The following ADGRL1 variants were observed in gnomAD, a reference collection of about 807,000 sequenced individuals.
The protein encoded by ADGRL1 is CIRL-1.
In ADGRL1, 31 loss-of-function variants were observed where a neutral mutation model predicts 148.9. The observed-to-expected ratio is 0.21, with a 90% CI of 0.16 to 0.28. The LOEUF (loss-of-function observed/expected upper bound fraction) is 0.28. Among genes scored for constraint, ADGRL1 ranks in the 10% least tolerant of loss-of-function variants. ADGRL1 has a pLI of 1.00. For missense variants in ADGRL1, 1,521 were observed against 2,058.8 expected (o/e 0.74, Z 5.05); for synonymous variants, 937 against 900.3 (o/e 1.04, Z -0.73).
rs1454278388 is a variant in ADGRL1, at chr19:14,154,892, CA to C, written c.3294+466del. Reference sequence around the variant, plus strand: ...TCAGCCTCCTAAAGTGCTGGGATTACAGGCGTGAGCCACCGTGTCCGGACTG... The same window carrying C: ...TCAGCCTCCTAAAGTGCTGGGATTACGGCGTGAGCCACCGTGTCCGGACTG... On this transcript the variant is annotated intron_variant, in intron 18 of 22. Coordinates refer to ENST00000361434, the MANE Select transcript of ADGRL1 (RefSeq NM_014921.5). Among the ~76,000 whole-genome samples the C allele has an allele frequency of 1.8e-4, 27 of 152,344 alleles. No individual in the cohort carries two copies. The East Asian group carries it at 2.7e-3, about 15-fold the overall frequency.
intron 2 of ADGRL1, among the ~76,000 whole-genome samples, chr19:14,178,377 C>T (rs1481486982): frequency 6.6e-6 from 1 of 152,058 alleles, no homozygotes; most frequent in Non-Finnish European, 1.5e-5. Context: ...TGGTGGCACA[C>T]ACCTGTAGTC....
At position 14,163,064 on chromosome 19, in the gene ADGRL1, G is replaced by A. The variant is rs1464723978; in HGVS notation, c.737C>T (p.Thr246Ile). 2 of 1,614,108 alleles carry A rather than the reference G, an allele frequency of 1.2e-6. No homozygotes were observed. Among genetic ancestry groups the A allele is most frequent in the Non-Finnish European group, 1.7e-6 (2 of 1,180,010 alleles). ...GGGCGAGGTGTCATGGTAGTTGGCG[G>A]TATTGATGACCGTCTCCCCGCTCTT... The part of the protein sequence containing the change: ...RIKSGETVIN[T>I]ANYHDTSPYR... Residue 246 changes from threonine (T) to isoleucine (I), a missense_variant, in exon 5 of 23, where the codon ACC (threonine) becomes ATC (isoleucine). Transcript: ENST00000361434.
intron 16 of ADGRL1, among the ~76,000 whole-genome samples, 176 bp from the exon 17 acceptor site, chr19:14,156,377 G>A (rs528991070): frequency 4.5e-4 from 69 of 152,138 alleles, no homozygotes; most frequent in African/African-American, 1.6e-3. Context: ...TGGCATGACC[G>A]GCAATTTAAT....
At chr19:14,187,099 A>G (rs1971618099) in intron 1 of ADGRL1, among the ~76,000 whole-genome samples, 2 of 152,350 alleles carry the variant, frequency 1.3e-5, no homozygotes, top group South Asian at 4.1e-4. Context: ...GCACTTTGGG[A>G]AGCCGAGGCG....
intron 1 of ADGRL1, among the ~76,000 whole-genome samples, chr19:14,204,593 A>G (rs969091865): frequency 9.2e-5 from 14 of 151,936 alleles, no homozygotes; most frequent in African/African-American, 2.9e-4. Context: ...ATTCACCCTC[A>G]GGTGTGCCCC....
chr19:14,193,198 G>C (rs1280164649), intron 1 of ADGRL1, among the ~76,000 whole-genome samples: 1 of 151,102 alleles, frequency 6.6e-6, no homozygotes, highest in African/African-American at 2.4e-5. Flanking sequence ...GTGTCCCCCG[G>C]GAGACCCAGG....
chr19:14,158,277 C>T, intron 12 of ADGRL1, 61 bp downstream of exon 12: 9 of 1,545,160 alleles, frequency 5.8e-6, no homozygotes, highest in Non-Finnish European at 8.0e-6. Flanking sequence ...GGCAGGTACA[C>T]AGCCTGGGAA....
chr19:14,174,947 T>G (rs564090493), intron 3 of ADGRL1, among the ~76,000 whole-genome samples: 1 of 150,750 alleles, frequency 6.6e-6, no homozygotes, highest in East Asian at 2.0e-4. Context: ...GCCCAAGTGA[T>G]CCTCCTGCAT....
chr19:14,191,121 G>A, intron 1 of ADGRL1: 1 of 456,566 alleles, frequency 2.2e-6, no homozygotes. Flanking sequence ...AATGTTGAGT[G>A]GTGGGTCTTC....
intron 1 of ADGRL1, among the ~76,000 whole-genome samples, chr19:14,199,544 C>G (rs947308979): frequency 6.6e-6 from 1 of 151,858 alleles, no homozygotes; most frequent in African/African-American, 2.4e-5. Flanking sequence ...CCTGCCTCAG[C>G]CTCCCAAGTA....
At chr19:14,172,005 G>A (rs976262881) in intron 3 of ADGRL1, among the ~76,000 whole-genome samples, 8 of 152,168 alleles carry the variant, frequency 5.3e-5, no homozygotes, top group Non-Finnish European at 1.2e-4. Flanking sequence ...TTAACCAAGG[G>A]TACTAAACAC....
Position 14,177,598 on chromosome 19 carries a change from C to T in ADGRL1, c.217G>A (p.Ala73Thr). ...ACATTCTCCATCTGGAAAGGGTCAG[C>T]ATCGCAAATCTTGTCGTCCGTGCGC... ...YGRTDDKICD[A>T]DPFQMENVQC... The change falls in exon 3 of 23, where the codon GCT (alanine) becomes ACT (threonine). Residue 73 changes from alanine (A) to threonine (T), a missense_variant. This residue lies in a region of ADGRL1 where 334 missense variants were observed against 512.5 expected (regional missense o/e 0.65). Transcript: ENST00000361434. 6.2e-7 allele frequency: 1 copy of T among 1,614,240 alleles called. No individual in the cohort carries two copies. The highest frequency in any genetic ancestry group is 1.1e-5 in the South Asian group (1 of 91,084).
In ADGRL1 at chr19:14,155,635, G is replaced by T; in HGVS notation, c.3126-108C>A. 1 of 1,184,150 alleles carries T rather than the reference G, an allele frequency of 8.4e-7. No individual in the cohort carries two copies. Among genetic ancestry groups the T allele is most frequent in the Non-Finnish European group, 1.2e-6 (1 of 837,852 alleles). The allele number at this position is 1,184,150 out of a possible 1,614,324, so 73.4% of individuals were successfully genotyped here. ...GGGCCCTTGGGTGGGCCTGGGCACT[G>T]TCTGCAAAGCCCTGAGCGGGCCGAG... On this transcript the variant is annotated intron_variant, in intron 17 of 22. Transcript: ENST00000361434. This position sits in a 1 kb window ranked among gnomAD's most constrained non-coding sequence, Gnocchi z 5.0.
At position 14,166,584 on chromosome 19, in the gene ADGRL1, G is replaced by A. The variant is rs377181787; in HGVS notation, c.395-3178C>T. Among the ~76,000 whole-genome samples the A allele has an allele frequency of 2.6e-3, 318 of 122,892 alleles. 2 individuals carry two copies. Among genetic ancestry groups the A allele is most frequent in the African/African-American group, 8.0e-3 (295 of 36,976 alleles). The allele number at this position is 122,892 out of a possible 152,430, so 80.6% of individuals were successfully genotyped here. ...AGACAGAGAGAGAGAGAGAGAGAAA[G>A]AGAGAGAGAGAGAGAGACAGCTCAC... On this transcript the variant is annotated intron_variant, in intron 4 of 22. Transcript: ENST00000361434.
At chr19:14,183,784 G>A (rs1971387888) in intron 1 of ADGRL1, 87 bp from the exon 2 acceptor site, 2 of 593,734 alleles carry the variant, frequency 3.4e-6, no homozygotes, top group Admixed American at 3.1e-5. Flanking sequence ...AGCTCTGAGA[G>A]GCTGAGGTCC....
chr19:14,154,482 C>T (rs1294285705), intron 18 of ADGRL1, among the ~76,000 whole-genome samples: 10 of 152,148 alleles, frequency 6.6e-5, no homozygotes, highest in Non-Finnish European at 2.9e-5. Context: ...TAAATAGAGA[C>T]GGGGTCTCTG....
intron 2 of ADGRL1, among the ~76,000 whole-genome samples, chr19:14,181,508 C>A (rs1332937384): frequency 3.3e-5 from 5 of 152,156 alleles, no homozygotes; most frequent in Non-Finnish European, 5.9e-5. Context: ...CACCAGAGGT[C>A]AGGAATTCGA....
At position 14,160,072 on chromosome 19, in the gene ADGRL1, G is replaced by GC; in HGVS notation, c.1800+39dup. 6.5e-7 allele frequency: 1 copy of GC among 1,533,692 alleles called. No homozygotes were observed. Among genetic ancestry groups the GC allele is most frequent in the South Asian group, 1.2e-5 (1 of 82,038 alleles). On this transcript the variant is annotated intron_variant, in intron 8 of 22. Coordinates refer to ENST00000361434, the MANE Select transcript of ADGRL1 (RefSeq NM_014921.5). This position sits in a 1 kb window ranked among gnomAD's most constrained non-coding sequence, Gnocchi z 5.9. ...ACTTCCCAAGCCCCTGGGGGCAGGC[G>GC]CCCTCCCCATACCAGGTCAGCGCCA...
Position 14,177,755 on chromosome 19 carries a change from G to C in ADGRL1, c.71-11C>G. 1 of 1,605,038 alleles carries C rather than the reference G, an allele frequency of 6.2e-7. No individual in the cohort carries two copies. The highest frequency in any genetic ancestry group is 8.5e-7 in the Non-Finnish European group (1 of 1,177,168). On this transcript the variant is annotated splice_polypyrimidine_tract_variant and intron_variant, in intron 2 of 22. Transcript: ENST00000361434. ...CGGCCCGGCTCAGGCCTGCAGGGAG[G>C]GTTGGGGATGGTGTCACTCCTGGGC...
Sources: allele counts gnomAD v4.1 joint callset (sites outside exome capture counted in the v4.1 genomes callset), GRCh38; gene constraint gnomAD v4.1.1; regional missense constraint gnomAD v4.1.1; non-coding constraint Gnocchi (gnomAD v3.1); transcripts MANE v1.5; gene names NCBI Gene and HGNC (gene_info 2026-07-23, HGNC 2026-07-21).